ADAP1: variants seen among roughly 807,000 people sequenced by gnomAD.
ADAP1 encodes arf-GAP with dual PH domain-containing protein 1.
ADAP1 carries 31 observed loss-of-function variants against 54.9 expected under a neutral mutation model. That is an observed-to-expected ratio of 0.56 (90% confidence interval 0.42 to 0.76). ADAP1 has a LOEUF of 0.76. Among genes scored for constraint, ADAP1 ranks in the 30% least tolerant of loss-of-function variants. The probability of loss-of-function intolerance (pLI) is 0.00; values close to 1 mark genes in which losing one functional copy is unlikely to be tolerated. For missense variants in ADAP1, 535 were observed against 512.4 expected (o/e 1.04, Z -0.42); for synonymous variants, 313 against 202.6 (o/e 1.55, Z -4.63).
Position 898,768 on chromosome 7 carries a change from G to GA in ADAP1, c.*152dup. On this transcript the variant is annotated 3_prime_UTR_variant, in exon 11 of 11. Transcript: ENST00000265846. ...CTTGAGGTTCCAGAGAAGCATCCTGGAAGCTGAAGCTCGGGCCCTACCTGG... is the reference window on the plus strand; with the variant it reads ...CTTGAGGTTCCAGAGAAGCATCCTGGAAAGCTGAAGCTCGGGCCCTACCTGG... 1 of 979,560 alleles carries GA rather than the reference G, an allele frequency of 1.0e-6. No homozygotes were observed. 60.7% of individuals were successfully genotyped at this position (979,560 alleles called of 1,614,324 possible). A position where few individuals can be genotyped will look rare whatever the true frequency, so the allele number is the denominator to read the frequency against.
chr7:907,607 G>A (rs1244111374), intron 4 of ADAP1, among the ~76,000 whole-genome samples: 1 of 152,178 alleles, frequency 6.6e-6, no homozygotes. Flanking sequence ...CTCCCTGTCC[G>A]TGGTTCCTAT....
intron 2 of ADAP1, among the ~76,000 whole-genome samples, chr7:931,503 T>C (rs1846578630): frequency 1.3e-5 from 2 of 152,016 alleles, no homozygotes; most frequent in Non-Finnish European, 2.9e-5. Context: ...GCGATCCCGT[T>C]TTTAAAAGTC....
At chr7:906,772 G>GT (rs1845460795) in intron 4 of ADAP1, among the ~76,000 whole-genome samples, 1 of 39,178 alleles carries the variant, frequency 2.6e-5, no homozygotes, top group Non-Finnish European at 5.5e-5. Flanking sequence ...GGGACATGGG[G>GT]GACAGGGGAC....
intron 1 of ADAP1, among the ~76,000 whole-genome samples, chr7:950,203 C>T (rs1847233351): frequency 6.6e-6 from 1 of 152,156 alleles, no homozygotes; most frequent in Admixed American, 6.5e-5. Context: ...GAATGAATAC[C>T]AGCCGGGCAT....
upstream of ADAP1, chr7:954,684 G>C (rs1847346143): frequency 1.0e-6 from 1 of 981,706 alleles, no homozygotes. Flanking sequence ...AGCGAGTGCC[G>C]GCGCGGGGCC....
chr7:899,397 T>G, intron 9 of ADAP1, 22 bp downstream of exon 9: 1 of 1,612,336 alleles, frequency 6.2e-7, no homozygotes, highest in Non-Finnish European at 8.5e-7. Context: ...CCTCCCGTGC[T>G]GGGGCCACAG....
chr7:904,872 C>G (rs1408319482), intron 5 of ADAP1, among the ~76,000 whole-genome samples, 188 bp downstream of exon 5: 1 of 152,228 alleles, frequency 6.6e-6, no homozygotes, highest in Admixed American at 6.5e-5. Flanking sequence ...GCTGCCCCAC[C>G]CTGGGGGACG....
intron 1 of ADAP1, among the ~76,000 whole-genome samples, chr7:941,010 C>T (rs373479552): frequency 1.4e-4 from 21 of 145,056 alleles, no homozygotes; most frequent in East Asian, 1.4e-3. Flanking sequence ...GTTGGCAAAA[C>T]GCAACATCCT....
chr7:910,752 T>G (rs560241619), intron 4 of ADAP1, among the ~76,000 whole-genome samples: 1 of 152,302 alleles, frequency 6.6e-6, no homozygotes, highest in African/African-American at 2.4e-5. Flanking sequence ...CCATATCTCA[T>G]GGGGCCTCTG....
intron 1 of ADAP1, among the ~76,000 whole-genome samples, chr7:948,766 G>T (rs897794323): frequency 6.6e-6 from 1 of 151,896 alleles, no homozygotes; most frequent in Non-Finnish European, 1.5e-5. Context: ...GCATGATCTC[G>T]GCTCTCTGCA....
At chr7:906,702 TGGGGGACGGGACATCGGGGACG>T (rs1845426099) in intron 4 of ADAP1, among the ~76,000 whole-genome samples, 1 of 20,224 alleles carries the variant, frequency 4.9e-5, no homozygotes, top group East Asian at 4.5e-3. Flanking sequence ...GACATGGACA[TGGGGGACGGGACATCGGGGACG>T]GGACATGGGG....
intron 2 of ADAP1, among the ~76,000 whole-genome samples, chr7:929,727 T>C (rs1846506557): frequency 6.6e-6 from 1 of 152,088 alleles, no homozygotes; most frequent in African/African-American, 2.4e-5. Flanking sequence ...TGCAGCCCTG[T>C]GGCTTCACTA....
intron 5 of ADAP1, 79 bp downstream of exon 5, chr7:904,981 G>T: frequency 7.8e-7 from 1 of 1,275,606 alleles, no homozygotes; most frequent in Non-Finnish European, 1.1e-6. Flanking sequence ...GGATGGACGC[G>T]GCCACCACAG....
chr7:902,532 A>T (rs1337413041), intron 6 of ADAP1, among the ~76,000 whole-genome samples: 1 of 148,318 alleles, frequency 6.7e-6, no homozygotes, highest in African/African-American at 2.5e-5. Flanking sequence ...TGAAAAACTA[A>T]ATGCATGACA....
At chr7:955,043 A>G (rs1218192598), upstream of ADAP1, among the ~76,000 whole-genome samples, 1 of 152,098 alleles carries the variant, frequency 6.6e-6, no homozygotes, top group Non-Finnish European at 1.5e-5. Context: ...GTCCTGTGCT[A>G]CGGACCAGGA....
In ADAP1 at chr7:905,052, T is replaced by C. The variant is rs10264503; in HGVS notation, c.501+8A>G. On this transcript the variant is annotated splice_region_variant and intron_variant, in intron 5 of 10. Transcript: ENST00000265846. ...CAGGCCCCCACCCCACCCCCGTCTG[T>C]GACTCACATCATTTCTGTTGAAATA... 3.1e-3 allele frequency: 5,019 copies of C among 1,609,054 alleles called. 124 individuals carry two copies. The African/African-American group carries it at 0.058, about 19-fold the overall frequency.
At chr7:934,970 C>T (rs1322760313) in intron 2 of ADAP1, among the ~76,000 whole-genome samples, 2 of 152,238 alleles carry the variant, frequency 1.3e-5, no homozygotes, top group African/African-American at 4.8e-5. Context: ...GTAAATGCGA[C>T]CCTGACTCTG....
At chr7:941,682 T>C (rs982462233) in intron 1 of ADAP1, among the ~76,000 whole-genome samples, 3 of 152,216 alleles carry the variant, frequency 2.0e-5, no homozygotes, top group Non-Finnish European at 4.4e-5. Flanking sequence ...AACGTTTTCG[T>C]GGGATGGGAG....
At position 938,741 on chromosome 7, in the gene ADAP1, G is replaced by T. The variant is rs900327381; in HGVS notation, c.83-3236C>A. 2.0e-5 allele frequency among the ~76,000 whole-genome samples: 3 copies of T among 152,202 alleles called. No homozygotes were observed. Among genetic ancestry groups the T allele is most frequent in the Admixed American group, 2.0e-4 (3 of 15,286 alleles). On this transcript the variant is annotated intron_variant, in intron 1 of 10. Coordinates refer to ENST00000265846, the MANE Select transcript of ADAP1 (RefSeq NM_006869.4). This position sits in a 1 kb window ranked among gnomAD's most constrained non-coding sequence, Gnocchi z 4.4. ...TAGCAGGCAACATGAGCCCAGCTGG[G>T]AACATCACCGCTCGGGGTGCAGTGG...
Sources: gnomAD v4.1 joint callset for allele counts (sites outside exome capture counted in the v4.1 genomes callset) on GRCh38, gnomAD v4.1.1 for gene constraint, Gnocchi (gnomAD v3.1) non-coding constraint, MANE v1.5 for transcripts, NCBI Gene and HGNC (gene_info 2026-07-23, HGNC 2026-07-21) for gene names.